Variants in TAS1R2 observed in about 807,000 individuals in gnomAD.
The protein encoded by TAS1R2 is taste receptor type 1 member 2.
In TAS1R2, 47 loss-of-function variants were observed where a neutral mutation model predicts 49.3. That is an observed-to-expected ratio of 0.95 (90% CI 0.75 to 1.22). The LOEUF is 1.22. Ranked by LOEUF, TAS1R2 falls within the 50% of genes most tolerant of loss-of-function variation. The pLI, the probability that TAS1R2 is intolerant of heterozygous loss-of-function variation, is 0.00. For missense variants in TAS1R2, 1,155 were observed against 1,122.1 expected, an observed-to-expected ratio of 1.03 and a Z score of -0.42; for synonymous variants, 479 against 467.9, an observed-to-expected ratio of 1.02 and a Z score of -0.31.
chr1:18,859,308 G>A (rs1041937221), intron 1 of TAS1R2, among the ~76,000 whole-genome samples, 171 bp downstream of exon 1: 11 of 152,130 alleles, frequency 7.2e-5, no homozygotes, highest in South Asian at 2.1e-4. Context: ...CATATTATAC[G>A]GGGCCTCCCT....
chr1:18,841,884 C>T lies in TAS1R2; in HGVS notation c.1468-32G>A, dbSNP rs190362922. 15 of 1,537,340 alleles carry T rather than the reference C, an allele frequency of 9.8e-6. No homozygotes were observed. In the Admixed American group the frequency reaches 1.9e-4, roughly 20 times the overall value. ...GGAGGAGGGCAAGAGACCCTGAGTC[C>T]TCTTTTCCCACATTCTGGGGGCCCC... On this transcript the variant is annotated intron_variant, in intron 4 of 5. Transcript: ENST00000375371.
At chr1:18,855,015 G>A (rs372205816) in intron 2 of TAS1R2, 29 bp from the exon 3 acceptor site, 16 of 1,586,778 alleles carry the variant, frequency 1.0e-5, no homozygotes, top group African/African-American at 5.4e-5. Flanking sequence ...TGGCATGAGC[G>A]AGTGCCCCGC....
exon 6 of TAS1R2, chr1:18,840,315 G>A: frequency 2.5e-6 from 4 of 1,614,044 alleles, no homozygotes; most frequent in Non-Finnish European, 3.4e-6. Flanking sequence ...AAGCACATGG[G>A]GCCCCCAGCC....
intron 5 of TAS1R2, among the ~76,000 whole-genome samples, chr1:18,840,915 C>T (rs910706961): frequency 6.6e-6 from 1 of 152,162 alleles, no homozygotes; most frequent in Non-Finnish European, 1.5e-5. Context: ...TTTTTGAGCA[C>T]CATCCATTGT....
In TAS1R2 at chr1:18,854,204, C is replaced by G. The variant is rs990206258; in HGVS notation, c.1257+9G>C. 3.7e-6 allele frequency: 6 copies of G among 1,610,082 alleles called. No homozygotes were observed. The highest frequency in any genetic ancestry group is 5.1e-6 in the Non-Finnish European group (6 of 1,177,128). ...TGCCCTGCAGACTCTATGGCAGCCA[C>G]CCCCTCACCTGCCAGGGGTAGACCA... On this transcript the variant is annotated intron_variant, in intron 3 of 5. Transcript: ENST00000375371. The surrounding 1 kb of genome is among the most constrained non-coding windows in gnomAD (Gnocchi z 4.9).
chr1:18,849,215 G>T (rs1933975546), intron 4 of TAS1R2, 126 bp downstream of exon 4: 3 of 1,009,644 alleles, frequency 3.0e-6, no homozygotes, highest in Non-Finnish European at 4.3e-6. Context: ...CCCACAAATA[G>T]ACATCCCCCC....
At position 18,854,673 on chromosome 1, in the gene TAS1R2, T is replaced by C. The variant is rs1934101551; in HGVS notation, c.797A>G (p.Gln266Arg). 1.9e-6 allele frequency: 3 copies of C among 1,613,850 alleles called. No homozygotes were observed. Among genetic ancestry groups the C allele is most frequent in the South Asian group, 2.2e-5 (2 of 91,080 alleles). Residue 266 changes from glutamine to arginine, a missense_variant, in exon 3 of 6, where the codon CAG (glutamine) becomes CGG (arginine). Transcript: ENST00000375371. This position sits in a 1 kb window ranked among gnomAD's most constrained non-coding sequence, Gnocchi z 4.9. Reference sequence around the variant, plus strand: ...CACGACCACGACGCGCGCTGTGCTCTGCTGCAGCTTGTCCACAATGGTCAC... The same window carrying C: ...CACGACCACGACGCGCGCTGTGCTCCGCTGCAGCTTGTCCACAATGGTCAC...
intron 3 of TAS1R2, among the ~76,000 whole-genome samples, chr1:18,852,463 C>G (rs115110346): frequency 6.6e-6 from 1 of 152,210 alleles, no homozygotes; most frequent in Non-Finnish European, 1.5e-5. Flanking sequence ...CTCCCAAGGA[C>G]GCTGTTTATG....
chr1:18,843,357 T>C (rs1933860817), intron 4 of TAS1R2, among the ~76,000 whole-genome samples: 1 of 152,222 alleles, frequency 6.6e-6, no homozygotes, highest in South Asian at 2.1e-4. Flanking sequence ...ACATTGGTGA[T>C]GTTTTTAGGA....
chr1:18,857,445 G>T (rs1371454768), exon 2 of TAS1R2: 2 of 1,614,212 alleles, frequency 1.2e-6, no homozygotes, highest in Non-Finnish European at 1.7e-6. Flanking sequence ...CCTCTTGGAT[G>T]GGAAGGAGGT....
intron 5 of TAS1R2, 108 bp downstream of exon 5, chr1:18,841,621 G>A: frequency 6.9e-7 from 1 of 1,457,934 alleles, no homozygotes; most frequent in Non-Finnish European, 9.2e-7. Context: ...CACACCCCCT[G>A]TGGGGTACTC....
exon 6 of TAS1R2, chr1:18,839,920 G>A (rs1174901178): frequency 5.6e-6 from 9 of 1,614,126 alleles, no homozygotes; most frequent in Non-Finnish European, 7.6e-6. Context: ...GCAGGTCCAG[G>A]CTGGTGTTGA....
At position 18,849,511 on chromosome 1, in the gene TAS1R2, C is replaced by T. The variant is rs114026861; in HGVS notation, c.1297G>A (p.Asp433Asn). 3.4e-3 allele frequency: 5,557 copies of T among 1,614,146 alleles called. 15 individuals carry two copies. Among genetic ancestry groups the T allele is most frequent in the Non-Finnish European group, 4.1e-3 (4,789 of 1,180,036 alleles). ...TGCGGGTCGAAGAAGATTTGGTGGT[C>T]CAGGAGAGTGAAGTTGACCTTCCAG... is the stretch of plus-strand genomic sequence containing the variant. The change falls in exon 4 of 6, where the codon GAC (aspartate) becomes AAC (asparagine). Residue 433 changes from aspartate (D) to asparagine (N), a missense_variant. Physicochemically the swap from Asp to Asn is conservative, Grantham distance 23 (BLOSUM62 1). Transcript: ENST00000375371.
chr1:18,839,970 T>C (rs1305389498), exon 6 of TAS1R2: 9 of 1,613,968 alleles, frequency 5.6e-6, no homozygotes, highest in Non-Finnish European at 6.8e-6. Context: ...CAGGAGACAA[T>C]TGTGATCTTG....
chr1:18,852,861 C>T (rs1934057332), intron 3 of TAS1R2, among the ~76,000 whole-genome samples: 1 of 152,242 alleles, frequency 6.6e-6, no homozygotes, highest in Non-Finnish European at 1.5e-5. Context: ...CTTCTTGCTG[C>T]ACTTGGCAGA....
chr1:18,845,760 G>T (rs80246626), intron 4 of TAS1R2, among the ~76,000 whole-genome samples: 7,587 of 152,222 alleles, frequency 0.05, 522 homozygotes, highest in African/African-American at 0.15. Context: ...GTGCACCTGC[G>T]GGTGGGAATC....
exon 1 of TAS1R2, chr1:18,859,593 T>A: frequency 6.2e-7 from 1 of 1,614,228 alleles, no homozygotes; most frequent in South Asian, 1.1e-5. Context: ...GTCCGAGTTC[T>A]CAGCCGGCTC....
intron 4 of TAS1R2, 108 bp from the exon 5 acceptor site, chr1:18,841,960 C>A: frequency 4.4e-6 from 5 of 1,145,872 alleles, no homozygotes; most frequent in East Asian, 3.0e-5. Context: ...TAGAAGCCCC[C>A]TAGGTTTTGG....
intron 4 of TAS1R2, among the ~76,000 whole-genome samples, chr1:18,847,433 C>T (rs72948196): frequency 0.16 from 24,319 of 152,186 alleles, 2,351 homozygotes; most frequent in Middle Eastern, 0.27. Context: ...ACAGACACCA[C>T]CCTAATTTAC....
Sources: allele counts gnomAD v4.1 joint callset (sites outside exome capture counted in the v4.1 genomes callset), GRCh38; gene constraint gnomAD v4.1.1; non-coding constraint Gnocchi (gnomAD v3.1); transcripts MANE v1.5; gene names NCBI Gene and HGNC (gene_info 2026-07-23, HGNC 2026-07-21).